Variants in SULF1 observed in about 807,000 individuals in gnomAD.
The protein encoded by SULF1 is extracellular sulfatase Sulf-1.
SULF1 carries 46 observed loss-of-function variants against 110.5 expected under a neutral mutation model. The ratio of observed to expected loss-of-function variants is 0.42; its 90% CI spans 0.33 to 0.53. SULF1 has a LOEUF of 0.53. Among genes scored for constraint, SULF1 ranks in the 20% least tolerant of loss-of-function variants. The pLI, the probability that SULF1 is intolerant of heterozygous loss-of-function variation, is 0.12. For missense variants in SULF1, 941 were observed against 1,094.2 expected, an observed-to-expected ratio of 0.86 and a Z score of 1.98; for synonymous variants, 371 against 387.1, an observed-to-expected ratio of 0.96 and a Z score of 0.49.
At chr8:69,483,404 C>T (rs1809583656) in intron 1 of SULF1, among the ~76,000 whole-genome samples, 1 of 152,078 alleles carries the variant, frequency 6.6e-6, no homozygotes, top group Non-Finnish European at 1.5e-5. Context: ...ACCCATTTTA[C>T]AGACTAAGAA....
At chr8:69,560,733 A>G (rs1378126897) in intron 3 of SULF1, among the ~76,000 whole-genome samples, 2 of 151,882 alleles carry the variant, frequency 1.3e-5, no homozygotes, top group East Asian at 1.9e-4. Context: ...TCCCTTCTTT[A>G]CTTCTTTTCC....
At chr8:69,498,435 A>G (rs1810536646) in intron 2 of SULF1, among the ~76,000 whole-genome samples, 1 of 152,198 alleles carries the variant, frequency 6.6e-6, no homozygotes, top group South Asian at 2.1e-4. Flanking sequence ...CTTTACAGTG[A>G]GGCTCAGCCA....
intron 3 of SULF1, among the ~76,000 whole-genome samples, chr8:69,533,597 G>A: frequency 6.6e-6 from 1 of 152,148 alleles, no homozygotes; most frequent in East Asian, 1.9e-4. Flanking sequence ...TCCGTTTTAT[G>A]GCTGCATAGT....
chr8:69,498,852 G>A (rs1810579715), intron 2 of SULF1, among the ~76,000 whole-genome samples: 1 of 152,130 alleles, frequency 6.6e-6, no homozygotes, highest in Non-Finnish European at 1.5e-5. Flanking sequence ...TGGAGCTCCA[G>A]TACAGACTTA....
At chr8:69,484,825 CTCTTCTTCTTCT>C (rs72313235) in intron 1 of SULF1, among the ~76,000 whole-genome samples, 5,629 of 148,920 alleles carry the variant, frequency 0.038, 333 homozygotes, top group African/African-American at 0.13. Context: ...TTTCATCTTC[CTCTTCTTCTTCT>C]TCTTCTTCTT....
chr8:69,542,457 A>G (rs1305123872), intron 3 of SULF1, among the ~76,000 whole-genome samples: 1 of 152,048 alleles, frequency 6.6e-6, no homozygotes, highest in Non-Finnish European at 1.5e-5. Flanking sequence ...GAAAGGTACG[A>G]GATATGGCTT....
intron 3 of SULF1, among the ~76,000 whole-genome samples, chr8:69,518,521 T>A (rs1812083390): frequency 6.6e-6 from 1 of 152,178 alleles, no homozygotes; most frequent in African/African-American, 2.4e-5. Flanking sequence ...AATATTGGGT[T>A]TTGTTCTGGC....
intron 1 of SULF1, among the ~76,000 whole-genome samples, chr8:69,485,984 G>T (rs988890634): frequency 1.3e-5 from 2 of 152,086 alleles, no homozygotes; most frequent in Non-Finnish European, 2.9e-5. Context: ...CAACATTCAG[G>T]TTATTATTAA....
intron 22 of SULF1, 102 bp from the exon 23 acceptor site, chr8:69,658,403 C>T (rs1348086409): frequency 2.4e-6 from 2 of 833,696 alleles, no homozygotes; most frequent in Non-Finnish European, 3.8e-6. Flanking sequence ...GAGTGTCATA[C>T]TTCTCATTGA....
intron 6 of SULF1, among the ~76,000 whole-genome samples, chr8:69,577,991 G>A (rs7825683): frequency 0.048 from 7,254 of 152,256 alleles, 552 homozygotes; most frequent in African/African-American, 0.16. Flanking sequence ...CAAAGAGTAG[G>A]ACTAGCTAAA....
chr8:69,649,612 A>G (rs1001890815), intron 22 of SULF1, among the ~76,000 whole-genome samples: 2 of 152,172 alleles, frequency 1.3e-5, no homozygotes, highest in Non-Finnish European at 2.9e-5. Flanking sequence ...TCTCATTATC[A>G]GTCATGATAT....
At chr8:69,634,031 AAT>A (rs1332246817) in intron 19 of SULF1, among the ~76,000 whole-genome samples, 5 of 152,350 alleles carry the variant, frequency 3.3e-5, no homozygotes, top group Admixed American at 1.3e-4. Flanking sequence ...ACATATAAAT[AAT>A]ATGTTATAAA....
At chr8:69,571,887 C>T (rs531196399) in intron 5 of SULF1, among the ~76,000 whole-genome samples, 1 of 152,332 alleles carries the variant, frequency 6.6e-6, no homozygotes, top group South Asian at 2.1e-4. Context: ...CTGGTACACA[C>T]TAACACAGTG....
intron 22 of SULF1, among the ~76,000 whole-genome samples, 197 bp from the exon 23 acceptor site, chr8:69,658,307 CT>C (rs1333660195): frequency 1.3e-5 from 2 of 152,034 alleles, no homozygotes; most frequent in Admixed American, 6.6e-5. Flanking sequence ...CGAATGTGAT[CT>C]TTTTTTTCCC....
intron 3 of SULF1, among the ~76,000 whole-genome samples, chr8:69,512,260 A>G (rs75804049): frequency 0.032 from 4,932 of 152,196 alleles, 262 homozygotes; most frequent in African/African-American, 0.11. Context: ...TGCTCCACCA[A>G]AGGGAGAGTA....
chr8:69,646,932 C>A (rs1811952763), intron 22 of SULF1, among the ~76,000 whole-genome samples: 1 of 146,802 alleles, frequency 6.8e-6, no homozygotes, highest in Non-Finnish European at 1.5e-5. Flanking sequence ...ATCAAAGAGC[C>A]CTGGAATTTT....
intron 3 of SULF1, among the ~76,000 whole-genome samples, chr8:69,540,854 C>T (rs1187452006): frequency 6.6e-6 from 1 of 152,112 alleles, no homozygotes; most frequent in Non-Finnish European, 1.5e-5. Flanking sequence ...CTGTCAAATT[C>T]TAGATGACTG....
intron 3 of SULF1, among the ~76,000 whole-genome samples, chr8:69,513,508 A>G (rs1811716260): frequency 6.6e-6 from 1 of 152,242 alleles, no homozygotes; most frequent in South Asian, 2.1e-4. Context: ...ACAAAGTATT[A>G]CTGTGGAAGA....
intron 8 of SULF1, among the ~76,000 whole-genome samples, chr8:69,599,565 G>C (rs971448104): frequency 9.2e-5 from 14 of 152,166 alleles, no homozygotes; most frequent in African/African-American, 3.1e-4. Context: ...AGACAATTAG[G>C]TGAGTTAATG....
Sources: allele counts gnomAD v4.1 joint callset (sites outside exome capture counted in the v4.1 genomes callset), GRCh38; gene constraint gnomAD v4.1.1; transcripts MANE v1.5; gene names NCBI Gene and HGNC (gene_info 2026-07-23, HGNC 2026-07-21).